The following SCHIP1 variants were observed in gnomAD, a reference collection of about 807,000 sequenced individuals.
The protein encoded by SCHIP1 is schwannomin-interacting protein 1.
SCHIP1 carries 8 observed loss-of-function variants against 29.7 expected under a neutral mutation model. The ratio of observed to expected loss-of-function variants is 0.27; its 90% CI spans 0.16 to 0.49. The LOEUF is 0.49. Among genes scored for constraint, SCHIP1 ranks in the 20% least tolerant of loss-of-function variants. The pLI, the probability that SCHIP1 is intolerant of heterozygous loss-of-function variation, is 0.99. For synonymous variants in SCHIP1, 76 were observed against 94.9 expected (o/e 0.80, Z 1.16); for missense variants, 193 against 294.6 (o/e 0.66, Z 2.52).
chr3:159,617,554 T>A, the SCHIP1 span, among the ~76,000 whole-genome samples: 1 of 152,184 alleles, frequency 6.6e-6, no homozygotes, highest in Non-Finnish European at 1.5e-5. Flanking sequence ...TGGGCAGTTC[T>A]GAGAGACTAC....
the SCHIP1 span, among the ~76,000 whole-genome samples, chr3:159,280,225 T>G: frequency 6.6e-6 from 1 of 152,240 alleles, no homozygotes; most frequent in Non-Finnish European, 1.5e-5. Context: ...TTGACTCCAG[T>G]TGGCCACATG....
At chr3:159,834,030 G>A in the SCHIP1 span, among the ~76,000 whole-genome samples, 6 of 152,110 alleles carry the variant, frequency 3.9e-5, no homozygotes, top group Admixed American at 2.6e-4. Context: ...TCCTTGGACA[G>A]TTGATGTTGT....
the SCHIP1 span, among the ~76,000 whole-genome samples, chr3:159,670,132 T>G: frequency 6.6e-6 from 1 of 152,258 alleles, no homozygotes; most frequent in Non-Finnish European, 1.5e-5. Context: ...CTTTATGTTC[T>G]GCTTGCAGGC....
At chr3:159,698,764 G>A in the SCHIP1 span, among the ~76,000 whole-genome samples, 9 of 151,858 alleles carry the variant, frequency 5.9e-5, no homozygotes, top group South Asian at 2.1e-4. Context: ...TCAGTCTCCC[G>A]AGTAGCTGGG....
chr3:159,541,763 C>G, the SCHIP1 span, among the ~76,000 whole-genome samples: 2 of 152,008 alleles, frequency 1.3e-5, no homozygotes, highest in Non-Finnish European at 2.9e-5. Flanking sequence ...GAATGAAAAC[C>G]TTTTCAAATG....
the SCHIP1 span, among the ~76,000 whole-genome samples, chr3:159,641,221 T>C: frequency 4.6e-5 from 7 of 152,266 alleles, no homozygotes; most frequent in Admixed American, 2.6e-4. Context: ...ATCTCATCCC[T>C]CCAACATGGA....
the SCHIP1 span, among the ~76,000 whole-genome samples, chr3:159,289,340 C>G: frequency 2.1e-4 from 32 of 152,286 alleles, no homozygotes; most frequent in South Asian, 4.4e-3. Flanking sequence ...CCTATGTGAT[C>G]TGGTCATTTT....
At chr3:159,499,134 C>G in the SCHIP1 span, among the ~76,000 whole-genome samples, 17 of 152,216 alleles carry the variant, frequency 1.1e-4, no homozygotes, top group Non-Finnish European at 2.1e-4. Flanking sequence ...TATCAAAGTT[C>G]TGTCTGCATT....
the SCHIP1 span, among the ~76,000 whole-genome samples, chr3:159,526,432 G>T: frequency 3.3e-5 from 5 of 152,234 alleles, no homozygotes; most frequent in South Asian, 2.1e-4. Flanking sequence ...GCCTCCTAAA[G>T]TGTTGGGATT....
At chr3:159,504,067 T>C in the SCHIP1 span, among the ~76,000 whole-genome samples, 1 of 152,194 alleles carries the variant, frequency 6.6e-6, no homozygotes, top group South Asian at 2.1e-4. Context: ...AAATGACTAT[T>C]CAGATCTGTT....
At chr3:159,571,571 G>T in the SCHIP1 span, among the ~76,000 whole-genome samples, 1 of 152,154 alleles carries the variant, frequency 6.6e-6, no homozygotes, top group African/African-American at 2.4e-5. Flanking sequence ...GTTCATCAGG[G>T]ATATTGATCT....
the SCHIP1 span, among the ~76,000 whole-genome samples, chr3:159,800,180 A>G: frequency 6.4e-4 from 97 of 152,370 alleles, no homozygotes; most frequent in African/African-American, 2.3e-3. Context: ...AGATGAGTCT[A>G]TGAGTAAATG....
At chr3:159,671,675 T>G in the SCHIP1 span, among the ~76,000 whole-genome samples, 2 of 152,342 alleles carry the variant, frequency 1.3e-5, no homozygotes, top group Non-Finnish European at 1.5e-5. Flanking sequence ...AGCTGTCTTC[T>G]GCTGGCATTA....
the SCHIP1 span, among the ~76,000 whole-genome samples, chr3:159,362,917 C>T: frequency 6.6e-6 from 1 of 152,316 alleles, no homozygotes; most frequent in South Asian, 2.1e-4. Context: ...ATCAGCAATG[C>T]CATTGCCTTC....
chr3:159,814,203 T>C, the SCHIP1 span, among the ~76,000 whole-genome samples: 1 of 152,208 alleles, frequency 6.6e-6, no homozygotes, highest in Non-Finnish European at 1.5e-5. Flanking sequence ...CATGAAGGCC[T>C]GGACCTTTCA....
At chr3:159,788,278 T>C in the SCHIP1 span, among the ~76,000 whole-genome samples, 1 of 152,224 alleles carries the variant, frequency 6.6e-6, no homozygotes, top group Non-Finnish European at 1.5e-5. Flanking sequence ...TCAATTTCAC[T>C]CTTTCCAGAA....
chr3:159,476,677 T>C, the SCHIP1 span, among the ~76,000 whole-genome samples: 3 of 152,184 alleles, frequency 2.0e-5, no homozygotes, highest in Non-Finnish European at 4.4e-5. Context: ...AAATGTTATT[T>C]TATTTTTAAT....
chr3:159,408,769 A>G, the SCHIP1 span, among the ~76,000 whole-genome samples: 2 of 152,208 alleles, frequency 1.3e-5, no homozygotes, highest in East Asian at 3.9e-4. Flanking sequence ...ACAGAGGAAT[A>G]CTTTCAAACT....
chr3:159,344,623 A>T, the SCHIP1 span, among the ~76,000 whole-genome samples: 1 of 152,218 alleles, frequency 6.6e-6, no homozygotes, highest in Non-Finnish European at 1.5e-5. Flanking sequence ...ACTTTTCAAA[A>T]CTGTCAAGGT....
Sources: gnomAD v4.1 joint callset for allele counts (sites outside exome capture counted in the v4.1 genomes callset) on GRCh38, gnomAD v4.1.1 for gene constraint, MANE v1.5 for transcripts, NCBI Gene and HGNC (gene_info 2026-07-23, HGNC 2026-07-21) for gene names.